The following SH3PXD2B variants were observed in gnomAD, a reference collection of about 807,000 sequenced individuals.
The protein encoded by SH3PXD2B is SH3 and PX domains 2B.
SH3PXD2B carries 37 observed loss-of-function variants against 73.1 expected under a neutral mutation model. That is an observed-to-expected ratio of 0.51 (90% CI 0.39 to 0.67). SH3PXD2B has a LOEUF of 0.67. Ranked by LOEUF, SH3PXD2B falls within the 30% of genes least tolerant of loss-of-function variation. The pLI, the probability that SH3PXD2B is intolerant of heterozygous loss-of-function variation, is 0.00. For missense variants in SH3PXD2B, 1,053 were observed against 1,197.8 expected (o/e 0.88, Z 1.78); for synonymous variants, 457 against 480.5 (o/e 0.95, Z 0.64).
At position 172,353,993 on chromosome 5, in the gene SH3PXD2B, G is replaced by A; in HGVS notation, c.680C>T (p.Thr227Ile). ...CCGAGCTGTGTACGGGTAGATGACT[G>A]TGTACTTCTCCTCTGTGGGGACAAA... is the stretch of plus-strand genomic sequence containing the variant. ...SLQPEEEEKYTVIYPYTARDQ... is the reference protein window; with the variant it reads ...SLQPEEEEKYIVIYPYTARDQ... Residue 227 changes from threonine to isoleucine, a missense_variant, in exon 9 of 13, where the codon ACA becomes ATA. By Grantham distance (89) the Thr-to-Ile change is moderately conservative (BLOSUM62 -1). Around this residue, in one of 2 missense-constraint regions of SH3PXD2B, gnomAD observed 466 missense variants for 607.1 expected, o/e 0.77. Transcript: ENST00000311601. The surrounding 1 kb of genome is among the most constrained non-coding windows in gnomAD (Gnocchi z 4.3). The A allele has an allele frequency of 2.5e-6, 4 of 1,614,086 alleles. No homozygotes were observed. The South Asian group carries it at 4.4e-5, about 18-fold the overall frequency.
intron 1 of SH3PXD2B, among the ~76,000 whole-genome samples, chr5:172,444,403 C>T (rs1473269977): frequency 2.0e-5 from 3 of 152,194 alleles, no homozygotes; most frequent in Admixed American, 6.5e-5. Flanking sequence ...TTAGCCAGGT[C>T]TGTTTCTGTC....
rs1219527006 is a variant in SH3PXD2B at position 172,369,307 on chromosome 5, AATT to A, written c.427+4480_427+4482del. Reference sequence around the variant, plus strand: ...GAAGAGGAATGAGAAAATGAGAAAGAATTATTATTATTATTGGTGGTAGTAGTG... The same window carrying A: ...GAAGAGGAATGAGAAAATGAGAAAGAATTATTATTATTGGTGGTAGTAGTG... On this transcript the variant is annotated intron_variant, in intron 6 of 12. Transcript: ENST00000311601. 3.3e-5 allele frequency among the ~76,000 whole-genome samples: 5 copies of A among 151,668 alleles called. No individual in the cohort carries two copies. The South Asian group carries it at 8.3e-4, about 25-fold the overall frequency.
Position 172,454,399 on chromosome 5 carries a change from C to G in SH3PXD2B, c.-47G>C. 3 of 1,283,952 alleles carry G rather than the reference C, an allele frequency of 2.3e-6. No individual in the cohort carries two copies. Among genetic ancestry groups the G allele is most frequent in the South Asian group, 2.1e-5 (1 of 48,616 alleles). The allele number at this position is 1,283,952 out of a possible 1,614,324, so 79.5% of individuals were successfully genotyped here. A position where few individuals can be genotyped will look rare whatever the true frequency, so the allele number is the denominator to read the frequency against. On this transcript the variant is annotated 5_prime_UTR_variant, in exon 1 of 13. Transcript: ENST00000311601. ...GGGCCGAGCGCGGGTGCGGGTGGCG[C>G]GGGGTGCAGGGAGCGCTGGGGGCGC...
intron 12 of SH3PXD2B, among the ~76,000 whole-genome samples, chr5:172,326,857 A>ATTTTTTTTTTTT (rs1175095358): frequency 1.5e-5 from 2 of 135,614 alleles, no homozygotes; most frequent in Admixed American, 7.5e-5. Flanking sequence ...ATGTCTCAAG[A>ATTTTTTTTTTTT]TTTTTTTTTT....
At chr5:172,325,276 T>A in exon 13 of SH3PXD2B, 1 of 1,533,676 alleles carries the variant, frequency 6.5e-7, no homozygotes, top group South Asian at 1.2e-5. Context: ...GACGTGGTTC[T>A]CACATCTCCA....
intron 1 of SH3PXD2B, among the ~76,000 whole-genome samples, chr5:172,426,211 T>G (rs897207618): frequency 6.6e-6 from 1 of 152,140 alleles, no homozygotes; most frequent in Non-Finnish European, 1.5e-5. Flanking sequence ...GAACACAACG[T>G]GATGTCTGCA....
At chr5:172,405,016 T>C (rs1758519944) in intron 3 of SH3PXD2B, among the ~76,000 whole-genome samples, 1 of 152,190 alleles carries the variant, frequency 6.6e-6, no homozygotes, top group Non-Finnish European at 1.5e-5. Context: ...AACGAGGTAA[T>C]GAAAGTAAAG....
chr5:172,352,924 G>C (rs1029631648), intron 9 of SH3PXD2B, among the ~76,000 whole-genome samples: 1 of 152,016 alleles, frequency 6.6e-6, no homozygotes, highest in Non-Finnish European at 1.5e-5. Flanking sequence ...TTCAAATTTA[G>C]GTTCTGAGAT....
intron 3 of SH3PXD2B, among the ~76,000 whole-genome samples, chr5:172,405,805 T>C (rs562631128): frequency 6.6e-6 from 1 of 152,298 alleles, no homozygotes; most frequent in South Asian, 2.1e-4. Flanking sequence ...TATGTAAGAA[T>C]AGAAAACGAA....
At chr5:172,428,465 GC>G (rs1251704806) in intron 1 of SH3PXD2B, among the ~76,000 whole-genome samples, 1 of 152,238 alleles carries the variant, frequency 6.6e-6, no homozygotes. Context: ...GAACCCTCAT[GC>G]ATTGCTGGTG....
chr5:172,422,842 T>C (rs553341001), intron 1 of SH3PXD2B, among the ~76,000 whole-genome samples: 107 of 152,332 alleles, frequency 7.0e-4, no homozygotes, highest in Middle Eastern at 3.4e-3. Context: ...CAGTCATTCC[T>C]AAAACCTTGA....
At chr5:172,423,589 G>A (rs185975780) in intron 1 of SH3PXD2B, among the ~76,000 whole-genome samples, 11 of 151,560 alleles carry the variant, frequency 7.3e-5, no homozygotes, top group Admixed American at 4.6e-4. Flanking sequence ...ATTGGTTGAA[G>A]GGAGAACATG....
intron 1 of SH3PXD2B, among the ~76,000 whole-genome samples, chr5:172,439,478 T>C (rs1759493281): frequency 6.6e-6 from 1 of 152,010 alleles, no homozygotes; most frequent in African/African-American, 2.4e-5. Context: ...CGCTAATGCA[T>C]GTCAGGTGCT....
intron 6 of SH3PXD2B, among the ~76,000 whole-genome samples, chr5:172,367,405 T>TC (rs1757554862): frequency 1.5e-5 from 2 of 137,898 alleles, no homozygotes; most frequent in South Asian, 2.3e-4. Flanking sequence ...TTTTTTTTTT[T>TC]CAAATAGATT....
At chr5:172,424,065 C>A (rs958909159) in intron 1 of SH3PXD2B, among the ~76,000 whole-genome samples, 1 of 152,176 alleles carries the variant, frequency 6.6e-6, no homozygotes, top group African/African-American at 2.4e-5. Context: ...GGGAGCCTGC[C>A]TGAGAAAGGA....
At chr5:172,358,901 G>C (rs571098951) in intron 7 of SH3PXD2B, 24 bp from the exon 8 acceptor site, 1 of 1,606,206 alleles carries the variant, frequency 6.2e-7, no homozygotes, top group African/African-American at 1.3e-5. Flanking sequence ...AGTGCAGAAT[G>C]ATGTTAGTTG....
chr5:172,429,876 G>A (rs991070078), intron 1 of SH3PXD2B, among the ~76,000 whole-genome samples: 1 of 152,154 alleles, frequency 6.6e-6, no homozygotes, highest in Admixed American at 6.5e-5. Flanking sequence ...CTGGAGCATG[G>A]GCCAGCAGGG....
At chr5:172,401,201 G>A (rs931269345) in intron 3 of SH3PXD2B, among the ~76,000 whole-genome samples, 4 of 152,212 alleles carry the variant, frequency 2.6e-5, no homozygotes, top group Non-Finnish European at 5.9e-5. Context: ...TTCAAATGCA[G>A]TGTGATTGGA....
rs998472040 is a variant in SH3PXD2B at position 172,353,102 on chromosome 5, C to G, written c.785+786G>C. Among the ~76,000 whole-genome samples, 1 of 152,096 alleles carries G rather than the reference C, an allele frequency of 6.6e-6. No homozygotes were observed. Among genetic ancestry groups the G allele is most frequent in the Non-Finnish European group, 1.5e-5 (1 of 68,024 alleles). On this transcript the variant is annotated intron_variant, in intron 9 of 12. Coordinates refer to ENST00000311601, the MANE Select transcript of SH3PXD2B (RefSeq NM_001017995.3). The surrounding 1 kb of genome is among the most constrained non-coding windows in gnomAD (Gnocchi z 4.3). ...ATTGTATCTTGCTCACTGTTGACTC[C>G]TCAGCTCCCAGAACAGGGCTGGGCC...
Sources: gnomAD v4.1 joint callset for allele counts (sites outside exome capture counted in the v4.1 genomes callset) on GRCh38, gnomAD v4.1.1 for gene constraint, gnomAD v4.1.1 regional missense constraint, Gnocchi (gnomAD v3.1) non-coding constraint, MANE v1.5 for transcripts, NCBI Gene and HGNC (gene_info 2026-07-23, HGNC 2026-07-21) for gene names.